Variants in MTUS2 observed in about 807,000 individuals in gnomAD.
MTUS2 encodes the protein microtubule associated scaffold protein 2, also known as microtubule-associated tumor suppressor candidate 2.
A neutral mutation model predicts 114.1 loss-of-function variants in MTUS2; 40 were observed. The ratio of observed to expected loss-of-function variants is 0.35; its 90% CI spans 0.27 to 0.46. The LOEUF (loss-of-function observed/expected upper bound fraction) is 0.46. Among genes scored for constraint, MTUS2 ranks in the 20% least tolerant of loss-of-function variants. The pLI is 1.00. For missense variants in MTUS2, 1,679 were observed against 1,705.4 expected (o/e 0.98, Z 0.27); for synonymous variants, 688 against 672.0 (o/e 1.02, Z -0.37).
intron 6 of MTUS2, among the ~76,000 whole-genome samples, chr13:29,323,492 C>T (rs568084002): frequency 1.3e-3 from 194 of 152,224 alleles, no homozygotes; most frequent in African/African-American, 4.4e-3. Flanking sequence ...CCTCGTGATC[C>T]GCCTGCCTCG....
In MTUS2 at chr13:29,121,427, G is replaced by A. The variant is rs557104703; in HGVS notation, c.2644+20457G>A. Among the ~76,000 whole-genome samples, 8 of 125,342 alleles carry A rather than the reference G, an allele frequency of 6.4e-5. No homozygotes were observed. In the South Asian group the frequency reaches 2.0e-3, roughly 31 times the overall value. The allele number at this position is 125,342 out of a possible 152,430, so 82.2% of individuals were successfully genotyped here. ...TTTCCCTATATCAAATTAATTTTAT[G>A]TAATGAAATACACACACACACACAC... On this transcript the variant is annotated intron_variant, in intron 5 of 15. Coordinates refer to ENST00000612955, the MANE Select transcript of MTUS2 (RefSeq NM_001033602.4).
At chr13:29,252,179 A>G (rs908058329) in intron 5 of MTUS2, among the ~76,000 whole-genome samples, 2 of 151,904 alleles carry the variant, frequency 1.3e-5, no homozygotes, top group Non-Finnish European at 2.9e-5. Context: ...TACTATCTAA[A>G]TACTATTATA....
At chr13:29,187,409 G>C (rs1894271607) in intron 5 of MTUS2, among the ~76,000 whole-genome samples, 1 of 152,170 alleles carries the variant, frequency 6.6e-6, no homozygotes, top group African/African-American at 2.4e-5. Flanking sequence ...AGGTATGAAA[G>C]AGGGACATTA....
Position 29,389,205 on chromosome 13 carries a change from AT to A in MTUS2, c.3117+29738del, listed in dbSNP as rs1371361460. 5.5e-5 allele frequency among the ~76,000 whole-genome samples: 7 copies of A among 126,596 alleles called. 1 individual carries two copies. In the East Asian group the frequency reaches 6.7e-4, roughly 12 times the overall value. 83.1% of individuals were successfully genotyped at this position (126,596 alleles called of 152,430 possible). On this transcript the variant is annotated intron_variant, in intron 8 of 15. Coordinates refer to ENST00000612955, the MANE Select transcript of MTUS2 (RefSeq NM_001033602.4). ...TATCTATATATCTATATAGATATATATTTTTTCAAATATATGTATGTATATA... is the reference window on the plus strand; with the variant it reads ...TATCTATATATCTATATAGATATATATTTTTCAAATATATGTATGTATATA...
intron 8 of MTUS2, among the ~76,000 whole-genome samples, chr13:29,384,590 A>G (rs754374986): frequency 2.0e-5 from 3 of 152,190 alleles, no homozygotes; most frequent in Admixed American, 6.5e-5. Flanking sequence ...GGCCTCTGCT[A>G]CTCATGATTA....
At chr13:29,058,318 G>T in intron 4 of MTUS2, among the ~76,000 whole-genome samples, 1 of 150,658 alleles carries the variant, frequency 6.6e-6, no homozygotes, top group Admixed American at 6.6e-5. Flanking sequence ...TTTGAATATT[G>T]GCCTCTCTAC....
intron 7 of MTUS2, among the ~76,000 whole-genome samples, chr13:29,334,073 AT>A (rs1295250630): frequency 6.6e-6 from 1 of 151,646 alleles, no homozygotes; most frequent in Non-Finnish European, 1.5e-5. Flanking sequence ...ATATTCCTCC[AT>A]CCCTGTGTTT....
chr13:29,403,697 G>A (rs984161986), intron 8 of MTUS2, among the ~76,000 whole-genome samples: 5 of 152,146 alleles, frequency 3.3e-5, no homozygotes, highest in East Asian at 1.9e-4. Flanking sequence ...TTGAAACGTC[G>A]GTTCTTGCTG....
intron 9 of MTUS2, among the ~76,000 whole-genome samples, chr13:29,478,436 T>G (rs1566225179): frequency 6.6e-6 from 1 of 152,208 alleles, no homozygotes. Context: ...AATGTCCTTG[T>G]ACTGTACTTC....
chr13:29,503,273 AC>A lies in MTUS2; in HGVS notation c.*70del. 1 of 1,564,216 alleles carries A rather than the reference AC, an allele frequency of 6.4e-7. No homozygotes were observed. The highest frequency in any genetic ancestry group is 8.7e-7 in the Non-Finnish European group (1 of 1,145,660). ...CGGTCTCCACCCTGAGGGAGCACCG[AC>A]CCGGTGCCGCCGGAGCTGGCCCTGT... is the stretch of plus-strand genomic sequence containing the variant. On this transcript the variant is annotated 3_prime_UTR_variant, in exon 16 of 16. Transcript: ENST00000612955.
At chr13:29,227,338 A>T (rs899129820) in intron 5 of MTUS2, among the ~76,000 whole-genome samples, 1 of 151,944 alleles carries the variant, frequency 6.6e-6, no homozygotes, top group South Asian at 2.1e-4. Context: ...GTCATGACAA[A>T]TTGAGAGAGG....
intron 2 of MTUS2, among the ~76,000 whole-genome samples, chr13:28,860,608 C>T (rs1226037625): frequency 6.6e-6 from 1 of 152,184 alleles, no homozygotes; most frequent in East Asian, 1.9e-4. Flanking sequence ...TAGTGGGGGA[C>T]ATGCACGAGG....
intron 8 of MTUS2, among the ~76,000 whole-genome samples, chr13:29,420,217 T>TCTTC (rs967915389): frequency 3.3e-5 from 5 of 151,930 alleles, no homozygotes; most frequent in African/African-American, 9.7e-5. Context: ...TGCTCTTTTT[T>TCTTC]CTTCCTTCCT....
intron 8 of MTUS2, among the ~76,000 whole-genome samples, chr13:29,370,601 C>G (rs990695182): frequency 2.0e-5 from 3 of 152,298 alleles, no homozygotes; most frequent in Middle Eastern, 3.4e-3. Flanking sequence ...CTTTTGCCTT[C>G]CATCCTCCCT....
rs1260163004 is a variant in MTUS2, at chr13:28,897,709, A to G, written c.-243+57859A>G. Among the ~76,000 whole-genome samples the G allele has an allele frequency of 3.3e-5, 5 of 152,202 alleles. No individual in the cohort carries two copies. In the East Asian group the frequency reaches 9.6e-4, roughly 29 times the overall value. On this transcript the variant is annotated intron_variant, in intron 2 of 15. Coordinates refer to ENST00000612955, the MANE Select transcript of MTUS2 (RefSeq NM_001033602.4). Reference sequence around the variant, plus strand: ...AAATGTGGCACATATACACCATGGAATGCTATGCAGCCATAAAAAATGATG... The same window carrying G: ...AAATGTGGCACATATACACCATGGAGTGCTATGCAGCCATAAAAAATGATG...
At chr13:29,385,958 A>G (rs1447434224) in intron 8 of MTUS2, among the ~76,000 whole-genome samples, 2 of 152,338 alleles carry the variant, frequency 1.3e-5, no homozygotes, top group East Asian at 1.9e-4. Flanking sequence ...AATGAAGCCT[A>G]TAATAGCACA....
At chr13:29,089,002 T>C (rs1889821574) in intron 4 of MTUS2, among the ~76,000 whole-genome samples, 1 of 152,204 alleles carries the variant, frequency 6.6e-6, no homozygotes, top group African/African-American at 2.4e-5. Context: ...ATCATGTTGT[T>C]AGCTGGTTGT....
intron 6 of MTUS2, chr13:29,306,866 T>G: frequency 2.0e-6 from 1 of 495,250 alleles, no homozygotes; most frequent in Non-Finnish European, 4.0e-6. Flanking sequence ...AAAGTAGATA[T>G]TGTGGCCATC....
At chr13:29,147,359 T>C (rs1892480391) in intron 5 of MTUS2, among the ~76,000 whole-genome samples, 1 of 152,184 alleles carries the variant, frequency 6.6e-6, no homozygotes, top group Admixed American at 6.5e-5. Context: ...ATCAGAAACT[T>C]CCTGTATTCA....
Sources: gnomAD v4.1 joint callset for allele counts (sites outside exome capture counted in the v4.1 genomes callset) on GRCh38, gnomAD v4.1.1 for gene constraint, MANE v1.5 for transcripts, NCBI Gene and HGNC (gene_info 2026-07-23, HGNC 2026-07-21) for gene names.